Variants in ATXN10 observed in about 807,000 individuals in gnomAD.
ATXN10 encodes the protein ataxin 10.
Under a neutral mutation model 52.9 loss-of-function variants are expected in ATXN10, and 28 were observed. The ratio of observed to expected loss-of-function variants is 0.53; its 90% confidence interval spans 0.39 to 0.73. ATXN10 has a LOEUF of 0.73. Ranked by LOEUF, ATXN10 falls within the 30% of genes least tolerant of loss-of-function variation. The pLI, the probability that ATXN10 is intolerant of heterozygous loss-of-function variation, is 0.00. For missense variants in ATXN10, 565 were observed against 577.0 expected, an observed-to-expected ratio of 0.98 and a Z score of 0.21; for synonymous variants, 226 against 221.5, an observed-to-expected ratio of 1.02 and a Z score of -0.18.
At position 45,718,457 on chromosome 22, in the gene ATXN10, T is replaced by C; in HGVS notation, c.692T>C (p.Val231Ala). 6.2e-7 allele frequency: 1 copy of C among 1,613,780 alleles called. No individual in the cohort carries two copies. The highest frequency in any genetic ancestry group is 1.1e-5 in the South Asian group (1 of 91,074). ...CTCTTTCTGAAAAGCCCGGAATTGG[T>C]ACAAGCCATGTTTCCCAAACTGAAC... ...TDLFLKSPEL[V>A]QAMFPKLNNQ... Residue 231 changes from valine (V) to alanine (A), a missense_variant, in exon 6 of 12, where the codon GTA becomes GCA. Transcript: ENST00000252934. The surrounding 1 kb of genome is among the most constrained non-coding windows in gnomAD (Gnocchi z 4.4).
rs1341342254 is a variant in ATXN10 at position 45,833,745 on chromosome 22, C to T, written c.1238-9246C>T. On this transcript the variant is annotated intron_variant, in intron 10 of 11. Transcript: ENST00000252934. The surrounding 1 kb of genome is among the most constrained non-coding windows in gnomAD (Gnocchi z 4.3). ...ATCACAAAACCTACCGTTCCTTGTA[C>T]TGGTTTGTAGGCATAGCTCAGAAAC... 2.6e-5 allele frequency among the ~76,000 whole-genome samples: 4 copies of T among 152,212 alleles called. No individual in the cohort carries two copies. The highest frequency in any genetic ancestry group is 5.9e-5 in the Non-Finnish European group (4 of 68,046).
intron 9 of ATXN10, among the ~76,000 whole-genome samples, chr22:45,801,404 C>T (rs1222362918): frequency 6.6e-6 from 1 of 152,188 alleles, no homozygotes; most frequent in Non-Finnish European, 1.5e-5. Context: ...CTGCTTGAGT[C>T]ACACCATATG....
chr22:45,705,379 CTTT>C lies in ATXN10; in HGVS notation c.647+2535_647+2537del. Among the ~76,000 whole-genome samples the C allele has an allele frequency of 6.7e-6, 1 of 150,306 alleles. No individual in the cohort carries two copies. The highest frequency in any genetic ancestry group is 2.1e-4 in the South Asian group (1 of 4,768). On this transcript the variant is annotated intron_variant, in intron 5 of 11. Coordinates refer to ENST00000252934, the MANE Select transcript of ATXN10 (RefSeq NM_013236.4). This position sits in a 1 kb window ranked among gnomAD's most constrained non-coding sequence, Gnocchi z 5.2. ...ACTGGTGAAGCCATCTGGTCTTGGG[CTTT>C]TTATCATGGGAAGGGTTTTGGTTAC...
intron 9 of ATXN10, chr22:45,792,352 G>A (rs1011365582): frequency 2.0e-5 from 3 of 152,306 alleles, no homozygotes; most frequent in Admixed American, 1.3e-4. Flanking sequence ...CACTAAGAGG[G>A]AGGACAGTAA....
intron 9 of ATXN10, among the ~76,000 whole-genome samples, chr22:45,746,614 G>A (rs767007533): frequency 3.3e-5 from 5 of 152,074 alleles, no homozygotes; most frequent in Admixed American, 2.0e-4. Flanking sequence ...GCTCAGGCAG[G>A]GCCAGCTTCT....
intron 9 of ATXN10, among the ~76,000 whole-genome samples, chr22:45,803,425 C>G (rs1174706685): frequency 6.6e-6 from 1 of 152,194 alleles, no homozygotes; most frequent in African/African-American, 2.4e-5. Flanking sequence ...CTAAATGCCA[C>G]TTCTTTAGGG....
chr22:45,743,278 C>T (rs1000290556), intron 9 of ATXN10, among the ~76,000 whole-genome samples: 3 of 152,222 alleles, frequency 2.0e-5, no homozygotes, highest in African/African-American at 4.8e-5. Context: ...AACAAAAGGC[C>T]TGAACCTGAA....
At chr22:45,697,354 C>T (rs901962482) in intron 3 of ATXN10, among the ~76,000 whole-genome samples, 3 of 151,962 alleles carry the variant, frequency 2.0e-5, no homozygotes, top group Non-Finnish European at 4.4e-5. Flanking sequence ...AGGCTGGTCT[C>T]GAACTCCTGA....
intron 7 of ATXN10, 125 bp from the exon 8 acceptor site, chr22:45,738,604 CTT>C (rs1925390183): frequency 1.2e-6 from 1 of 824,316 alleles, no homozygotes; most frequent in Non-Finnish European, 1.9e-6. Context: ...TTGTTTTTCT[CTT>C]TGACTTATTA....
At chr22:45,716,803 C>T (rs184301588) in intron 5 of ATXN10, among the ~76,000 whole-genome samples, 34 of 152,034 alleles carry the variant, frequency 2.2e-4, no homozygotes, top group Non-Finnish European at 8.8e-5. Flanking sequence ...AGAAAAAATT[C>T]ACAAAGGCAA....
At chr22:45,716,325 C>CTTT (rs1157868947) in intron 5 of ATXN10, among the ~76,000 whole-genome samples, 1 of 133,270 alleles carries the variant, frequency 7.5e-6, no homozygotes, top group Non-Finnish European at 1.6e-5. Flanking sequence ...TGAGTGCTTC[C>CTTT]TTTTTTTTTT....
In ATXN10 at chr22:45,729,597, G is replaced by A. The variant is rs1925008737; in HGVS notation, c.894+7G>A. On this transcript the variant is annotated splice_region_variant and intron_variant, in intron 7 of 11. Transcript: ENST00000252934. The stretch of plus-strand genomic sequence containing the variant: ...GGAGCCTCCTGATGATGAGGTAAGG[G>A]AGGCAGATTTCCCAATCTCGGGTAA... 6.2e-7 allele frequency: 1 copy of A among 1,613,942 alleles called. No homozygotes were observed. The highest frequency in any genetic ancestry group is 1.3e-5 in the African/African-American group (1 of 74,916).
At position 45,764,691 on chromosome 22, in the gene ATXN10, C is replaced by T. The variant is rs117657448; in HGVS notation, c.1173+24153C>T. 6.4e-3 allele frequency among the ~76,000 whole-genome samples: 972 copies of T among 152,234 alleles called. 7 individuals are homozygous for T. Among genetic ancestry groups the T allele is most frequent in the South Asian group, 0.015 (71 of 4,814 alleles). Reference sequence around the variant, plus strand: ...GAACACCCAAAGAATTTATTCAGAACGGTGTAAAATGAGACTCTCTGGATG... The same window carrying T: ...GAACACCCAAAGAATTTATTCAGAATGGTGTAAAATGAGACTCTCTGGATG... On this transcript the variant is annotated intron_variant, in intron 9 of 11. Coordinates refer to ENST00000252934, the MANE Select transcript of ATXN10 (RefSeq NM_013236.4).
At chr22:45,830,642 C>T (rs1459106100) in intron 10 of ATXN10, among the ~76,000 whole-genome samples, 1 of 151,408 alleles carries the variant, frequency 6.6e-6, no homozygotes, top group African/African-American at 2.4e-5. Flanking sequence ...CAAATCAAAA[C>T]CACAATGAGA....
chr22:45,829,747 A>G lies in ATXN10; in HGVS notation c.1238-13244A>G, dbSNP rs145521044. On this transcript the variant is annotated intron_variant, in intron 10 of 11. Coordinates refer to ENST00000252934, the MANE Select transcript of ATXN10 (RefSeq NM_013236.4). ...TTAAAGGAGACATAAACGGGAACAC[A>G]TCGCATGTTCATGTGTTGAAAAACA... Among the ~76,000 whole-genome samples, 203 of 152,332 alleles carry G rather than the reference A, an allele frequency of 1.3e-3. 1 individual carries two copies. The highest frequency in any genetic ancestry group is 4.8e-3 in the African/African-American group (198 of 41,578).
At chr22:45,768,479 ATG>A (rs1926665837) in intron 9 of ATXN10, among the ~76,000 whole-genome samples, 1 of 152,244 alleles carries the variant, frequency 6.6e-6, no homozygotes, top group Non-Finnish European at 1.5e-5. Context: ...GATGCTAAGA[ATG>A]TATGCAGTAA....
Position 45,833,881 on chromosome 22 carries a change from G to A in ATXN10, c.1238-9110G>A, listed in dbSNP as rs1929074183. Reference sequence around the variant, plus strand: ...GCGATACGGCATCGCGATCAGGGGAGCGGATGCCAGAGCCTGACTGCCTAC... The same window carrying A: ...GCGATACGGCATCGCGATCAGGGGAACGGATGCCAGAGCCTGACTGCCTAC... On this transcript the variant is annotated intron_variant, in intron 10 of 11. Transcript: ENST00000252934. This position sits in a 1 kb window ranked among gnomAD's most constrained non-coding sequence, Gnocchi z 4.3. Among the ~76,000 whole-genome samples the A allele has an allele frequency of 6.6e-6, 1 of 152,202 alleles. No individual in the cohort carries two copies. The highest frequency in any genetic ancestry group is 1.5e-5 in the Non-Finnish European group (1 of 68,036).
At chr22:45,698,077 C>T (rs1923690986) in intron 3 of ATXN10, among the ~76,000 whole-genome samples, 1 of 152,050 alleles carries the variant, frequency 6.6e-6, no homozygotes, top group African/African-American at 2.4e-5. Context: ...TTGTTTCCAC[C>T]TTTTGTCTAT....
rs773300081 is a variant in ATXN10, at chr22:45,843,310, G to A, written c.1425+132G>A. 11 of 1,059,978 alleles carry A rather than the reference G, an allele frequency of 1.0e-5. No individual in the cohort carries two copies. The highest frequency in any genetic ancestry group is 3.2e-5 in the African/African-American group (2 of 62,924). The allele number at this position is 1,059,978 out of a possible 1,614,324, so 65.7% of individuals were successfully genotyped here. A position where few individuals can be genotyped will look rare whatever the true frequency, so the allele number is the denominator to read the frequency against. ...ATTGTGCCCTCTATAGTGGTTTACC[G>A]AGGAAAGCCCTAAAGATAGCTGCAA... On this transcript the variant is annotated intron_variant, in intron 11 of 11. Coordinates refer to ENST00000252934, the MANE Select transcript of ATXN10 (RefSeq NM_013236.4). The surrounding 1 kb of genome is among the most constrained non-coding windows in gnomAD (Gnocchi z 4.5).
Sources: gnomAD v4.1 joint callset for allele counts (sites outside exome capture counted in the v4.1 genomes callset) on GRCh38, gnomAD v4.1.1 for gene constraint, Gnocchi (gnomAD v3.1) non-coding constraint, MANE v1.5 for transcripts, NCBI Gene and HGNC (gene_info 2026-07-23, HGNC 2026-07-21) for gene names.